Variants in SLC39A14 observed in about 807,000 individuals in gnomAD.
SLC39A14 encodes solute carrier family 39 member 14, also known as metal cation symporter ZIP14.
SLC39A14 carries 19 observed loss-of-function variants against 45.5 expected under a neutral mutation model. The ratio of observed to expected loss-of-function variants is 0.42; its 90% CI spans 0.29 to 0.61. SLC39A14 has a LOEUF of 0.61. Ranked by LOEUF, SLC39A14 falls within the 20% of genes least tolerant of loss-of-function variation. SLC39A14 has a pLI of 0.22. For missense variants in SLC39A14, 447 were observed against 616.5 expected (o/e 0.73, Z 2.91); for synonymous variants, 264 against 251.3 (o/e 1.05, Z -0.48).
chr8:22,407,724 AGAGACAGGGT>A (rs1235004609), intron 2 of SLC39A14, among the ~76,000 whole-genome samples: 1 of 138,536 alleles, frequency 7.2e-6, no homozygotes, highest in Non-Finnish European at 1.5e-5. Context: ...TTTTTTTTTA[AGAGACAGGGT>A]GTTGCTCTGT....
Position 22,408,560 on chromosome 8 carries a change from G to C in SLC39A14, c.457+64G>C, listed in dbSNP as rs181530530. The C allele has an allele frequency of 7.9e-5, 115 of 1,452,038 alleles. No individual in the cohort carries two copies. In the African/African-American group the frequency reaches 1.4e-3, roughly 18 times the overall value. The allele number at this position is 1,452,038 out of a possible 1,614,324, so 89.9% of individuals were successfully genotyped here. ...TCGCCCGCGTCTCACAAGGACCCCT[G>C]GGCTGAGCTGCTGCTGCTCCTCACT... On this transcript the variant is annotated intron_variant, in intron 3 of 8. Coordinates refer to ENST00000381237, the MANE Select transcript of SLC39A14 (RefSeq NM_001128431.4).
chr8:22,416,379 G>C, intron 7 of SLC39A14, 99 bp downstream of exon 7: 1 of 974,496 alleles, frequency 1.0e-6, no homozygotes, highest in East Asian at 2.4e-5. Context: ...TGTCTTCACA[G>C]TGCTTATTGT....
At chr8:22,406,947 G>C (rs1381596611) in intron 2 of SLC39A14, among the ~76,000 whole-genome samples, 1 of 152,204 alleles carries the variant, frequency 6.6e-6, no homozygotes, top group African/African-American at 2.4e-5. Flanking sequence ...GCCCATGTGA[G>C]ACCGAACTCA....
At chr8:22,405,267 C>T (rs888384535) in intron 2 of SLC39A14, among the ~76,000 whole-genome samples, 1 of 152,196 alleles carries the variant, frequency 6.6e-6, no homozygotes, top group Non-Finnish European at 1.5e-5. Flanking sequence ...AATCCCAGCA[C>T]TTTGGGAGGC....
chr8:22,402,440 C>T (rs974885273), intron 1 of SLC39A14, among the ~76,000 whole-genome samples: 1 of 151,854 alleles, frequency 6.6e-6, no homozygotes, highest in African/African-American at 2.4e-5. Flanking sequence ...GTATCTTATT[C>T]TATTGCTTAG....
intron 1 of SLC39A14, among the ~76,000 whole-genome samples, chr8:22,395,989 G>A (rs979923303): frequency 1.3e-5 from 2 of 152,282 alleles, no homozygotes; most frequent in Middle Eastern, 3.4e-3. Context: ...GGTGAGGTGG[G>A]TCTGTCCTCT....
chr8:22,391,825 C>G (rs559063966), intron 1 of SLC39A14, among the ~76,000 whole-genome samples: 29 of 152,272 alleles, frequency 1.9e-4, no homozygotes, highest in African/African-American at 6.7e-4. Flanking sequence ...GCCTTGGCCT[C>G]CCAAAGTGCT....
chr8:22,389,817 A>C (rs2132234642), intron 1 of SLC39A14: 1 of 152,092 alleles, frequency 6.6e-6, no homozygotes, highest in East Asian at 1.9e-4. Flanking sequence ...TTATTTTACT[A>C]TTTTGCTTTC....
At chr8:22,378,728 C>G (rs565751787) in intron 1 of SLC39A14, among the ~76,000 whole-genome samples, 145 of 152,310 alleles carry the variant, frequency 9.5e-4, no homozygotes, top group African/African-American at 3.2e-3. Flanking sequence ...CCTGCAGGCT[C>G]ACTTTTGCCA....
At chr8:22,370,189 C>T (rs752016384) in intron 1 of SLC39A14, among the ~76,000 whole-genome samples, 1 of 151,908 alleles carries the variant, frequency 6.6e-6, no homozygotes, top group East Asian at 1.9e-4. Flanking sequence ...TGTGCGTGTG[C>T]GTGTGTGTAG....
At chr8:22,390,637 TC>T in intron 1 of SLC39A14, 1 of 171,770 alleles carries the variant, frequency 5.8e-6, no homozygotes, top group Non-Finnish European at 1.3e-5. Context: ...CCTCTCCTCT[TC>T]CCCTTTGTGT....
At chr8:22,417,499 C>G in intron 7 of SLC39A14, 152 bp from the exon 8 acceptor site, 1 of 661,226 alleles carries the variant, frequency 1.5e-6, no homozygotes. Flanking sequence ...ATGACTGGCT[C>G]TCACTTTGTC....
Position 22,390,659 on chromosome 8 carries a change from G to C in SLC39A14, c.-15-14037G>C, listed in dbSNP as rs1284152028. On this transcript the variant is annotated intron_variant, in intron 1 of 8. Coordinates refer to ENST00000381237, the MANE Select transcript of SLC39A14 (RefSeq NM_001128431.4). ...TCTTCCCCTTTGTGTTCGTCATTTG[G>C]TCAAATTGCTGGAAGATGGTGGTTC... The C allele has an allele frequency of 8.8e-5, 15 of 171,110 alleles. 1 individual carries two copies. The allele number at this position is 171,110 out of a possible 1,614,324, so 10.6% of individuals were successfully genotyped here.
In SLC39A14 at chr8:22,420,272, G is replaced by A; in HGVS notation, c.*574G>A. The A allele has an allele frequency of 1.0e-6, 1 of 985,514 alleles. No individual in the cohort carries two copies. The highest frequency in any genetic ancestry group is 1.2e-6 in the Non-Finnish European group (1 of 829,998). 61.0% of individuals were successfully genotyped at this position (985,514 alleles called of 1,614,324 possible). On this transcript the variant is annotated 3_prime_UTR_variant, in exon 9 of 9. Transcript: ENST00000381237. ...ACACATGAGCAGGGTGAGAGGTGAG[G>A]CAAGGTTCATCCTGAATGGGAGAGG...
intron 8 of SLC39A14, 98 bp from the exon 9 acceptor site, chr8:22,419,454 T>C: frequency 7.9e-7 from 1 of 1,268,160 alleles, no homozygotes; most frequent in Admixed American, 2.1e-5. Context: ...TAATTTTCTT[T>C]GTCAACCAAC....
chr8:22,374,740 C>CTTTTT (rs67116858), intron 1 of SLC39A14, among the ~76,000 whole-genome samples: 1 of 104,026 alleles, frequency 9.6e-6, no homozygotes, highest in Non-Finnish European at 1.9e-5. Context: ...CCAGCCTGCT[C>CTTTTT]TTTTTTTTTT....
At chr8:22,424,276 G>A (rs886510751), downstream of SLC39A14, among the ~76,000 whole-genome samples, 13 of 152,090 alleles carry the variant, frequency 8.5e-5, no homozygotes, top group Admixed American at 6.5e-4. Flanking sequence ...CTGTCAATGC[G>A]ACTTAAAATG....
At position 22,384,384 on chromosome 8, in the gene SLC39A14, C is replaced by T. The variant is rs546132450; in HGVS notation, c.-16+16976C>T. On this transcript the variant is annotated intron_variant, in intron 1 of 8. Transcript: ENST00000381237. ...GATGTGGAAAGGGAGGCTGCCTGCC[C>T]GCCCGGGCCTCTCTCCCACTGCCTG... is the stretch of plus-strand genomic sequence containing the variant. Among the ~76,000 whole-genome samples the T allele has an allele frequency of 1.6e-4, 25 of 151,986 alleles. No individual in the cohort carries two copies. The East Asian group carries it at 3.9e-3, about 24-fold the overall frequency.
chr8:22,418,658 A>G (rs1055287853), intron 8 of SLC39A14, among the ~76,000 whole-genome samples: 1 of 151,912 alleles, frequency 6.6e-6, no homozygotes, highest in African/African-American at 2.4e-5. Flanking sequence ...CAGTCTCCCA[A>G]GCAGCTAGGA....
Sources: allele counts gnomAD v4.1 joint callset (sites outside exome capture counted in the v4.1 genomes callset), GRCh38; gene constraint gnomAD v4.1.1; transcripts MANE v1.5; gene names NCBI Gene and HGNC (gene_info 2026-07-23, HGNC 2026-07-21).